Variants in NDUFAF2 observed in about 807,000 individuals in gnomAD.
NDUFAF2 encodes NADH dehydrogenase [ubiquinone] 1 alpha subcomplex assembly factor 2.
In NDUFAF2, 13 loss-of-function variants were observed where a neutral mutation model predicts 22.8. The observed-to-expected ratio is 0.57, with a 90% CI of 0.37 to 0.91. The LOEUF (loss-of-function observed/expected upper bound fraction) is 0.91, where lower values mean the gene tolerates loss of function less well. NDUFAF2 is among the 40% of genes least tolerant of loss of function. The probability of loss-of-function intolerance (pLI) is 0.01; values close to 1 mark genes in which losing one functional copy is unlikely to be tolerated. For missense variants in NDUFAF2, 162 were observed against 195.2 expected, an observed-to-expected ratio of 0.83 and a Z score of 1.01; for synonymous variants, 53 against 64.2, an observed-to-expected ratio of 0.83 and a Z score of 0.84.
At chr5:61,107,090 C>CACACACACACATAT (rs918380662) in intron 3 of NDUFAF2, among the ~76,000 whole-genome samples, 1 of 146,050 alleles carries the variant, frequency 6.8e-6, no homozygotes, top group African/African-American at 2.6e-5. Flanking sequence ...CACACACACA[C>CACACACACACATAT]ATATATGCCT....
chr5:61,055,779 G>T (rs1323247590), intron 1 of NDUFAF2, among the ~76,000 whole-genome samples: 1 of 152,094 alleles, frequency 6.6e-6, no homozygotes, highest in Non-Finnish European at 1.5e-5. Flanking sequence ...TAGTATAGGA[G>T]GTGATTATGC....
chr5:61,069,492 G>C (rs557793456), intron 1 of NDUFAF2, among the ~76,000 whole-genome samples: 1 of 152,216 alleles, frequency 6.6e-6, no homozygotes, highest in African/African-American at 2.4e-5. Flanking sequence ...TTAAGTCAGT[G>C]ATTACATGAA....
chr5:61,058,297 A>G (rs2111710685), intron 1 of NDUFAF2, among the ~76,000 whole-genome samples: 1 of 152,148 alleles, frequency 6.6e-6, no homozygotes, highest in South Asian at 2.1e-4. Context: ...CTTTTTACCT[A>G]TATATTGAAA....
intron 2 of NDUFAF2, among the ~76,000 whole-genome samples, chr5:61,097,400 A>G (rs1004893291): frequency 1.6e-5 from 2 of 122,606 alleles, no homozygotes; most frequent in Non-Finnish European, 3.6e-5. Context: ...TTACTTTATA[A>G]TAAAGTTTTG....
At chr5:60,963,961 A>G (rs1037322099) in intron 1 of NDUFAF2, among the ~76,000 whole-genome samples, 2 of 152,202 alleles carry the variant, frequency 1.3e-5, no homozygotes, top group African/African-American at 2.4e-5. Context: ...AGCAGTATAC[A>G]TTTTGCTTTC....
chr5:61,106,968 A>G (rs1752771685), intron 3 of NDUFAF2, among the ~76,000 whole-genome samples: 1 of 149,656 alleles, frequency 6.7e-6, no homozygotes, highest in South Asian at 2.1e-4. Context: ...AGTCTGCACT[A>G]TCCTGAATGG....
chr5:61,135,437 A>G lies in NDUFAF2; in HGVS notation c.259-17267A>G, dbSNP rs1001430757. Among the ~76,000 whole-genome samples the G allele has an allele frequency of 1.5e-4, 23 of 152,362 alleles. 1 individual carries two copies. The East Asian group carries it at 4.2e-3, about 28-fold the overall frequency. On this transcript the variant is annotated intron_variant, in intron 3 of 3. Coordinates refer to ENST00000296597, the MANE Select transcript of NDUFAF2 (RefSeq NM_174889.5). ...GGCCAAAGATGGGTCAAGTTTGAGC[A>G]TCAAAAATAGAAATACTAACCAAAA... is the stretch of plus-strand genomic sequence containing the variant.
chr5:61,050,678 C>T (rs1016069423), intron 1 of NDUFAF2: 2 of 152,102 alleles, frequency 1.3e-5, no homozygotes, highest in Admixed American at 1.3e-4. Context: ...CCTTTCATTA[C>T]CAATTTATTT....
At chr5:61,148,463 C>T (rs1741172661) in intron 3 of NDUFAF2, among the ~76,000 whole-genome samples, 2 of 152,306 alleles carry the variant, frequency 1.3e-5, no homozygotes, top group Middle Eastern at 3.4e-3. Context: ...GAGATGTGTA[C>T]AAGTTTGCTA....
chr5:61,100,285 A>G (rs1239196635), intron 3 of NDUFAF2, among the ~76,000 whole-genome samples: 2 of 152,110 alleles, frequency 1.3e-5, no homozygotes, highest in Non-Finnish European at 2.9e-5. Flanking sequence ...TGAAAGCCTT[A>G]TTCATAGAAA....
chr5:60,972,299 C>G (rs1215844184), intron 1 of NDUFAF2, among the ~76,000 whole-genome samples: 1 of 151,416 alleles, frequency 6.6e-6, no homozygotes, highest in African/African-American at 2.4e-5. Context: ...TGTCCCCACT[C>G]AAATCTCACC....
At chr5:60,947,958 A>G (rs1750485746) in intron 1 of NDUFAF2, among the ~76,000 whole-genome samples, 1 of 152,102 alleles carries the variant, frequency 6.6e-6, no homozygotes, top group Non-Finnish European at 1.5e-5. Flanking sequence ...CATAATTGTA[A>G]TTGCATTTTG....
At chr5:60,963,425 C>T (rs1327879498) in intron 1 of NDUFAF2, among the ~76,000 whole-genome samples, 2 of 152,228 alleles carry the variant, frequency 1.3e-5, no homozygotes, top group African/African-American at 4.8e-5. Context: ...AGTCAACCTA[C>T]TGACTTCATC....
intron 1 of NDUFAF2, among the ~76,000 whole-genome samples, chr5:61,006,758 C>G (rs1751372087): frequency 2.0e-5 from 3 of 151,968 alleles, no homozygotes; most frequent in African/African-American, 7.2e-5. Context: ...AGGGATGTGT[C>G]TAGAGAATGT....
intron 2 of NDUFAF2, among the ~76,000 whole-genome samples, chr5:61,089,217 A>G (rs1483220533): frequency 6.6e-6 from 1 of 152,114 alleles, no homozygotes; most frequent in Non-Finnish European, 1.5e-5. Context: ...GCTGATGAGA[A>G]TGCAAATGAA....
intron 1 of NDUFAF2, among the ~76,000 whole-genome samples, chr5:61,027,941 A>G (rs911081722): frequency 2.0e-5 from 3 of 151,970 alleles, no homozygotes; most frequent in Non-Finnish European, 2.9e-5. Flanking sequence ...ATCAGACATT[A>G]TTTTAGGTTC....
At chr5:60,962,660 A>G (rs539178624) in intron 1 of NDUFAF2, among the ~76,000 whole-genome samples, 17 of 151,814 alleles carry the variant, frequency 1.1e-4, no homozygotes, top group African/African-American at 3.9e-4. Flanking sequence ...GTGAAACCCC[A>G]TCTCTACTAA....
chr5:61,049,410 A>G (rs977928270), intron 1 of NDUFAF2, among the ~76,000 whole-genome samples: 2 of 152,204 alleles, frequency 1.3e-5, no homozygotes. Context: ...ACAGGGTTAC[A>G]AAATCTGTAG....
intron 3 of NDUFAF2, chr5:61,145,928 C>A (rs1171096950): frequency 1.3e-5 from 2 of 152,238 alleles, no homozygotes; most frequent in Middle Eastern, 3.4e-3. Context: ...GCATGACTCT[C>A]AATTGTCAAC....
Sources: gnomAD v4.1 joint callset for allele counts (sites outside exome capture counted in the v4.1 genomes callset) on GRCh38, gnomAD v4.1.1 for gene constraint, MANE v1.5 for transcripts, NCBI Gene and HGNC (gene_info 2026-07-23, HGNC 2026-07-21) for gene names.